PIK3C3: variants seen among roughly 807,000 people sequenced by gnomAD.
PIK3C3 encodes PI3-kinase type 3.
A neutral mutation model predicts 126.1 loss-of-function variants in PIK3C3; 95 were observed. The observed-to-expected ratio is 0.75, with a 90% CI of 0.64 to 0.89. PIK3C3 has a LOEUF of 0.89. Ranked by LOEUF, PIK3C3 falls within the 40% of genes least tolerant of loss-of-function variation. The pLI is 0.00. For missense variants in PIK3C3, 829 were observed against 1,063.2 expected, an observed-to-expected ratio of 0.78 and a Z score of 3.06; for synonymous variants, 374 against 360.0, an observed-to-expected ratio of 1.04 and a Z score of -0.44.
At chr18:41,990,072 A>G (rs1452522363) in intron 5 of PIK3C3, among the ~76,000 whole-genome samples, 2 of 152,282 alleles carry the variant, frequency 1.3e-5, no homozygotes, top group African/African-American at 2.4e-5. Context: ...GTTTAGTCAT[A>G]TAAGTTAAGG....
chr18:42,057,064 C>T (rs985088963), intron 21 of PIK3C3, among the ~76,000 whole-genome samples: 3 of 126,034 alleles, frequency 2.4e-5, no homozygotes, highest in African/African-American at 9.4e-5. Flanking sequence ...ATGAACCCCC[C>T]CCCCCGTGTT....
intron 1 of PIK3C3, 38 bp from the exon 2 acceptor site, chr18:41,957,532 A>C: frequency 6.3e-7 from 1 of 1,588,880 alleles, no homozygotes; most frequent in Admixed American, 1.9e-5. Context: ...ATGCTTAAAA[A>C]ATTCATGTCT....
intron 4 of PIK3C3, among the ~76,000 whole-genome samples, chr18:41,976,644 A>G (rs1425731398): frequency 6.6e-6 from 1 of 152,216 alleles, no homozygotes; most frequent in Non-Finnish European, 1.5e-5. Flanking sequence ...TAGTAGTTAT[A>G]TCTGTTTTTG....
At chr18:42,043,866 G>T in intron 20 of PIK3C3, 49 bp downstream of exon 20, 1 of 1,222,226 alleles carries the variant, frequency 8.2e-7, no homozygotes, top group East Asian at 2.3e-5. Context: ...AAGAAGAGCA[G>T]GCCATCCTGA....
rs1260441155 is a variant in PIK3C3, at chr18:42,076,119, TATGC to T, written c.2650-5003_2650-5000del. Among the ~76,000 whole-genome samples the T allele has an allele frequency of 8.0e-4, 52 of 64,838 alleles. 2 individuals carry two copies. Among genetic ancestry groups the T allele is most frequent in the East Asian group, 2.8e-3 (6 of 2,158 alleles). The allele number at this position is 64,838 out of a possible 152,430, so 42.5% of individuals were successfully genotyped here. Reference sequence around the variant, plus strand: ...ATATATATATATATATATATATATATATGCGCATATATATATATATATATGCGCA... The same window carrying T: ...ATATATATATATATATATATATATATGCATATATATATATATATATGCGCA... On this transcript the variant is annotated intron_variant, in intron 24 of 24. Coordinates refer to ENST00000262039, the MANE Select transcript of PIK3C3 (RefSeq NM_002647.4).
At chr18:42,080,694 G>A (rs1986216655) in intron 24 of PIK3C3, among the ~76,000 whole-genome samples, 1 of 152,128 alleles carries the variant, frequency 6.6e-6, no homozygotes, top group African/African-American at 2.4e-5. Context: ...GACCATTTCT[G>A]GAATGAAGTA....
chr18:42,010,372 T>C (rs139106251), intron 10 of PIK3C3, among the ~76,000 whole-genome samples: 1 of 152,082 alleles, frequency 6.6e-6, no homozygotes, highest in African/African-American at 2.4e-5. Context: ...TGAAGTCTTT[T>C]TTGTTGTTGT....
intron 23 of PIK3C3, among the ~76,000 whole-genome samples, chr18:42,065,053 C>T (rs1985479254): frequency 6.6e-6 from 1 of 152,122 alleles, no homozygotes; most frequent in Admixed American, 6.6e-5. Context: ...AAGAACTGAG[C>T]AGAGTTTTCA....
intron 4 of PIK3C3, among the ~76,000 whole-genome samples, chr18:41,982,847 C>T (rs1194979058): frequency 6.6e-6 from 1 of 152,158 alleles, no homozygotes; most frequent in Non-Finnish European, 1.5e-5. Context: ...CTTGCTTTTA[C>T]ATTTAATGGT....
intron 20 of PIK3C3, 64 bp downstream of exon 20, chr18:42,043,881 G>T (rs1386048228): frequency 1.9e-5 from 19 of 992,810 alleles, no homozygotes; most frequent in Non-Finnish European, 2.9e-5. Context: ...TCCTGATATT[G>T]CCATAATCAT....
At chr18:42,049,360 T>G (rs985317070) in intron 20 of PIK3C3, 171 bp from the exon 21 acceptor site, 2 of 455,730 alleles carry the variant, frequency 4.4e-6, no homozygotes, top group African/African-American at 4.0e-5. Context: ...AATAGTACTT[T>G]GAGTTTCAAG....
At chr18:41,969,298 TTA>T (rs1980535073) in intron 3 of PIK3C3, among the ~76,000 whole-genome samples, 1 of 152,144 alleles carries the variant, frequency 6.6e-6, no homozygotes, top group African/African-American at 2.4e-5. Flanking sequence ...TGAGTAGACT[TTA>T]TGTTTGAAAA....
intron 24 of PIK3C3, among the ~76,000 whole-genome samples, chr18:42,068,573 C>T (rs1169126793): frequency 2.0e-5 from 3 of 152,138 alleles, no homozygotes; most frequent in Non-Finnish European, 4.4e-5. Context: ...ACGACTTGCA[C>T]TTATGTTTTG....
At chr18:42,025,821 T>C (rs542356329) in intron 13 of PIK3C3, 1 of 152,250 alleles carries the variant, frequency 6.6e-6, no homozygotes, top group African/African-American at 2.4e-5. Flanking sequence ...AATAATGAGA[T>C]AGTAGCTAAA....
At chr18:41,969,114 C>T (rs1980520297) in intron 3 of PIK3C3, among the ~76,000 whole-genome samples, 1 of 151,364 alleles carries the variant, frequency 6.6e-6, no homozygotes, top group South Asian at 2.1e-4. Context: ...CCACCATGCC[C>T]AGTCTGTACC....
chr18:41,957,484 C>A, intron 1 of PIK3C3, 86 bp from the exon 2 acceptor site: 1 of 1,307,316 alleles, frequency 7.6e-7, no homozygotes, highest in Non-Finnish European at 1.1e-6. Context: ...ATGCTTAAAG[C>A]ATATATGTAC....
Position 42,076,144 on chromosome 18 carries a change from G to A in PIK3C3, c.2650-4979G>A, listed in dbSNP as rs1205075448. Among the ~76,000 whole-genome samples the A allele has an allele frequency of 8.6e-3, 164 of 19,006 alleles. 6 individuals are homozygous for A. The highest frequency in any genetic ancestry group is 0.03 in the African/African-American group (88 of 2,936). 12.5% of individuals were successfully genotyped at this position (19,006 alleles called of 152,430 possible). ...TATGCGCATATATATATATATATAT[G>A]CGCATATATATATATATGCACATAT... On this transcript the variant is annotated intron_variant, in intron 24 of 24. Transcript: ENST00000262039.
intron 20 of PIK3C3, among the ~76,000 whole-genome samples, chr18:42,044,047 T>C (rs1984448120): frequency 6.6e-6 from 1 of 152,232 alleles, no homozygotes; most frequent in Non-Finnish European, 1.5e-5. Context: ...CACTGAACTA[T>C]TTTATAATCA....
chr18:42,066,657 G>A (rs1829166776), intron 23 of PIK3C3, among the ~76,000 whole-genome samples: 1 of 152,026 alleles, frequency 6.6e-6, no homozygotes, highest in Admixed American at 6.6e-5. Context: ...ATTTGGCATG[G>A]CATTTTGCAC....
Sources: gnomAD v4.1 joint callset for allele counts (sites outside exome capture counted in the v4.1 genomes callset) on GRCh38, gnomAD v4.1.1 for gene constraint, MANE v1.5 for transcripts, NCBI Gene and HGNC (gene_info 2026-07-23, HGNC 2026-07-21) for gene names.